PALM2AKAP2: variants seen among roughly 807,000 people sequenced by gnomAD.
PALM2AKAP2 encodes the protein PALM2 and AKAP2 fusion.
In PALM2AKAP2, 37 loss-of-function variants were observed where a neutral mutation model predicts 71.5. That is an observed-to-expected ratio of 0.52 (90% CI 0.40 to 0.68). PALM2AKAP2 has a LOEUF of 0.68. Ranked by LOEUF, PALM2AKAP2 falls within the 30% of genes least tolerant of loss-of-function variation. The probability of loss-of-function intolerance (pLI) is 0.00; values close to 1 mark genes in which losing one functional copy is unlikely to be tolerated. For missense variants in PALM2AKAP2, 1,224 were observed against 1,191.8 expected, an observed-to-expected ratio of 1.03 and a Z score of -0.40; for synonymous variants, 468 against 478.8, an observed-to-expected ratio of 0.98 and a Z score of 0.29.
intron 6 of PALM2AKAP2, among the ~76,000 whole-genome samples, chr9:109,937,435 T>C (rs570154700): frequency 1.1e-4 from 17 of 152,294 alleles, no homozygotes; most frequent in African/African-American, 4.1e-4. Flanking sequence ...AAAATCAAAG[T>C]ATCCATGCAG....
intron 1 of PALM2AKAP2, among the ~76,000 whole-genome samples, chr9:109,796,154 G>A (rs947305215): frequency 1.3e-5 from 2 of 152,260 alleles, no homozygotes; most frequent in South Asian, 2.1e-4. Context: ...CCTATGGGTC[G>A]CTTTTCAGAA....
At chr9:110,078,257 A>G (rs916163125) in intron 1 of PALM2AKAP2, among the ~76,000 whole-genome samples, 2 of 152,160 alleles carry the variant, frequency 1.3e-5, no homozygotes, top group Non-Finnish European at 2.9e-5. Flanking sequence ...CAGGGGGCAC[A>G]TGCATTTCAT....
chr9:109,780,612 C>T (rs1391710154), intron 1 of PALM2AKAP2, 79 bp downstream of exon 1: 1 of 1,578,058 alleles, frequency 6.3e-7, no homozygotes, highest in Middle Eastern at 2.1e-4. Context: ...GGGCAAGCGG[C>T]ATGCCAGCAC....
chr9:109,965,796 GA>G (rs533419457), intron 6 of PALM2AKAP2, among the ~76,000 whole-genome samples: 26 of 151,702 alleles, frequency 1.7e-4, no homozygotes, highest in South Asian at 2.1e-4. Context: ...TACTCAGGGG[GA>G]AAAAAAAGAG....
At chr9:110,040,690 A>T (rs10980156) in intron 7 of PALM2AKAP2, among the ~76,000 whole-genome samples, 2,252 of 152,290 alleles carry the variant, frequency 0.015, 22 homozygotes, top group Non-Finnish European at 0.021. Context: ...CTAAGAAATA[A>T]TTTCCTGTTT....
At chr9:110,027,936 T>C (rs1833211783) in intron 7 of PALM2AKAP2, among the ~76,000 whole-genome samples, 1 of 152,178 alleles carries the variant, frequency 6.6e-6, no homozygotes, top group African/African-American at 2.4e-5. Context: ...AAGAGACATT[T>C]GGGACAGAAA....
intron 3 of PALM2AKAP2, among the ~76,000 whole-genome samples, chr9:109,923,411 A>G (rs564740707): frequency 1.6e-4 from 25 of 152,224 alleles, no homozygotes; most frequent in African/African-American, 5.8e-4. Flanking sequence ...GTTATGTCCT[A>G]TGCTATGTAA....
chr9:109,970,146 TG>T (rs376265321), intron 6 of PALM2AKAP2, among the ~76,000 whole-genome samples: 258 of 152,352 alleles, frequency 1.7e-3, no homozygotes, highest in African/African-American at 6.0e-3. Context: ...GATTAGGTTT[TG>T]TTTTTTTTCT....
At chr9:109,647,431 AC>A (rs1827170204) in intron 1 of PALM2AKAP2, among the ~76,000 whole-genome samples, 1 of 152,224 alleles carries the variant, frequency 6.6e-6, no homozygotes, top group Non-Finnish European at 1.5e-5. Context: ...CCTTGTCCAC[AC>A]TGCAAATAAG....
chr9:110,028,222 T>C (rs1255534646), intron 7 of PALM2AKAP2, among the ~76,000 whole-genome samples: 1 of 152,232 alleles, frequency 6.6e-6, no homozygotes. Context: ...TGGTTATTTA[T>C]TGTTCCTGTG....
At chr9:109,844,354 C>G (rs1353615047) in intron 1 of PALM2AKAP2, among the ~76,000 whole-genome samples, 2 of 152,056 alleles carry the variant, frequency 1.3e-5, no homozygotes, top group African/African-American at 4.8e-5. Flanking sequence ...CATTGCAAAT[C>G]GTCAAAATGG....
intron 3 of PALM2AKAP2, among the ~76,000 whole-genome samples, chr9:109,910,613 C>T (rs1830547919): frequency 6.6e-6 from 1 of 152,192 alleles, no homozygotes; most frequent in African/African-American, 2.4e-5. Flanking sequence ...TCAAACAGAT[C>T]CACACCAAAG....
At chr9:109,660,645 C>G (rs1013726445) in intron 1 of PALM2AKAP2, among the ~76,000 whole-genome samples, 1 of 151,964 alleles carries the variant, frequency 6.6e-6, no homozygotes, top group Admixed American at 6.6e-5. Context: ...TGAATAGTGC[C>G]GCAATAAATA....
In PALM2AKAP2 at chr9:109,912,324, G is replaced by A. The variant is rs187147342; in HGVS notation, c.258-11411G>A. 3.5e-3 allele frequency among the ~76,000 whole-genome samples: 538 copies of A among 151,934 alleles called. 1 individual carries two copies. Among genetic ancestry groups the A allele is most frequent in the South Asian group, 7.7e-3 (37 of 4,798 alleles). Reference sequence around the variant, plus strand: ...ATGACGTGAGGAAAAAAAAAAAAGAGGAGGAAATGGGCTTGAGTTTCCACT... The same window carrying A: ...ATGACGTGAGGAAAAAAAAAAAAGAAGAGGAAATGGGCTTGAGTTTCCACT... On this transcript the variant is annotated intron_variant, in intron 3 of 9. Transcript: ENST00000302798.
chr9:110,144,030 A>C (rs989626183), intron 2 of PALM2AKAP2, among the ~76,000 whole-genome samples: 1 of 152,260 alleles, frequency 6.6e-6, no homozygotes, highest in African/African-American at 2.4e-5. Flanking sequence ...CATTATCTGC[A>C]AATATCACAA....
intron 6 of PALM2AKAP2, among the ~76,000 whole-genome samples, chr9:109,992,283 A>G (rs893486503): frequency 2.0e-5 from 3 of 151,620 alleles, no homozygotes; most frequent in African/African-American, 7.3e-5. Context: ...CTTATTAAGG[A>G]CTCCCAGTTA....
chr9:109,857,049 C>G (rs1390798770), intron 1 of PALM2AKAP2, among the ~76,000 whole-genome samples: 2 of 152,180 alleles, frequency 1.3e-5, no homozygotes, highest in East Asian at 3.9e-4. Context: ...ACTGTGAGGT[C>G]CATGCAGTGT....
chr9:109,994,221 C>T (rs927456666), intron 6 of PALM2AKAP2, among the ~76,000 whole-genome samples: 2 of 152,172 alleles, frequency 1.3e-5, no homozygotes, highest in African/African-American at 4.8e-5. Context: ...TAAAAATTTG[C>T]ATGTGTGTCC....
chr9:109,710,341 C>T (rs1828213631), intron 1 of PALM2AKAP2, among the ~76,000 whole-genome samples: 1 of 152,202 alleles, frequency 6.6e-6, no homozygotes, highest in Non-Finnish European at 1.5e-5. Context: ...CCTTCCTGCC[C>T]AGCAGTCTGG....
Sources: allele counts gnomAD v4.1 joint callset (sites outside exome capture counted in the v4.1 genomes callset), GRCh38; gene constraint gnomAD v4.1.1; transcripts MANE v1.5; gene names NCBI Gene and HGNC (gene_info 2026-07-23, HGNC 2026-07-21).